The following TDRKH variants were observed in gnomAD, a reference collection of about 807,000 sequenced individuals.
TDRKH encodes the protein tudor and KH domain-containing protein.
Under a neutral mutation model 61.3 loss-of-function variants are expected in TDRKH, and 28 were observed. The observed-to-expected ratio is 0.46, with a 90% CI of 0.34 to 0.63. The LOEUF (loss-of-function observed/expected upper bound fraction) is 0.63, where lower values mean the gene tolerates loss of function less well. TDRKH is among the 20% of genes least tolerant of loss of function. The pLI is 0.01. For missense variants in TDRKH, 540 were observed against 683.4 expected (o/e 0.79, Z 2.34); for synonymous variants, 219 against 244.4 (o/e 0.90, Z 0.97).
chr1:151,789,519 T>C (rs1017964349), intron 1 of TDRKH, among the ~76,000 whole-genome samples: 1 of 152,230 alleles, frequency 6.6e-6, no homozygotes, highest in African/African-American at 2.4e-5. Context: ...ATGAGGATCA[T>C]TGTTCAGTGA....
chr1:151,780,849 CAA>C (rs71789262), intron 3 of TDRKH, among the ~76,000 whole-genome samples: 25 of 86,190 alleles, frequency 2.9e-4, no homozygotes, highest in Admixed American at 3.5e-4. Context: ...GACTCTGTCT[CAA>C]AAAAAAAAAA....
intron 1 of TDRKH, among the ~76,000 whole-genome samples, chr1:151,789,303 C>CA (rs1650666038): frequency 6.6e-6 from 1 of 152,218 alleles, no homozygotes; most frequent in Non-Finnish European, 1.5e-5. Context: ...CTTGATCTGT[C>CA]ACTATGGTTT....
intron 6 of TDRKH, among the ~76,000 whole-genome samples, chr1:151,777,777 G>A (rs1212364475): frequency 6.9e-6 from 1 of 144,420 alleles, no homozygotes; most frequent in Non-Finnish European, 1.5e-5. Context: ...GAGTGCAACG[G>A]TGCAATCCCA....
intron 1 of TDRKH, among the ~76,000 whole-genome samples, chr1:151,784,966 T>C (rs1332803871): frequency 4.6e-5 from 7 of 150,768 alleles, no homozygotes; most frequent in Admixed American, 3.3e-4. Context: ...AAGGTCTTTC[T>C]CTGTTGCCAG....
intron 3 of TDRKH, among the ~76,000 whole-genome samples, 155 bp downstream of exon 3, chr1:151,781,326 A>AT (rs1553282714): frequency 1.3e-4 from 3 of 22,302 alleles, no homozygotes; most frequent in Admixed American, 1.3e-3. Flanking sequence ...TCAAAAAAAA[A>AT]AAATATATAT....
downstream of TDRKH, among the ~76,000 whole-genome samples, chr1:151,767,695 A>G (rs1402852354): frequency 2.0e-5 from 3 of 152,202 alleles, no homozygotes; most frequent in Non-Finnish European, 4.4e-5. Flanking sequence ...AATTTAGAGA[A>G]AACCCATATA....
At chr1:151,767,093 G>C, downstream of TDRKH, 18 of 1,572,216 alleles carry the variant, frequency 1.1e-5, no homozygotes, top group Non-Finnish European at 1.5e-5. Context: ...GATCATGCCA[G>C]AGCCTGGTAC....
intron 6 of TDRKH, among the ~76,000 whole-genome samples, chr1:151,777,318 C>T (rs993581985): frequency 1.3e-5 from 2 of 152,054 alleles, no homozygotes; most frequent in Admixed American, 1.3e-4. Flanking sequence ...TGGTGGTGTG[C>T]ACCTGTGGTC....
At position 151,776,445 on chromosome 1, in the gene TDRKH, A is replaced by G; in HGVS notation, c.1038T>C (p.Asn346=). 6.2e-7 allele frequency: 1 copy of G among 1,614,208 alleles called. No homozygotes were observed. The highest frequency in any genetic ancestry group is 1.1e-5 in the South Asian group (1 of 91,082). The change falls in exon 7 of 13, where the codon AAT becomes AAC. Residue 346 remains asparagine, a synonymous_variant. Transcript: ENST00000368824. ...LVNEMTQHYE[N]SVPEDLTVHV... is the part of the protein sequence containing the mutation. Reference sequence around the variant, plus strand: ...TGTCCCTATGGCAACTCACCACACTATTCTCATAGTGCTGGGTCATCTCAT... The same window carrying G: ...TGTCCCTATGGCAACTCACCACACTGTTCTCATAGTGCTGGGTCATCTCAT...
chr1:151,773,160 A>C (rs959504926), downstream of TDRKH, among the ~76,000 whole-genome samples: 2 of 152,162 alleles, frequency 1.3e-5, no homozygotes, highest in African/African-American at 4.8e-5. Context: ...CTCCTGCCTC[A>C]GCCTCCCACG....
chr1:151,768,000 C>T, downstream of TDRKH: 1 of 1,599,468 alleles, frequency 6.3e-7, no homozygotes, highest in Non-Finnish European at 8.5e-7. Flanking sequence ...ACGGACACAC[C>T]CCCATCTGCC....
intron 3 of TDRKH, among the ~76,000 whole-genome samples, 153 bp downstream of exon 3, chr1:151,781,328 A>AAAATATATATATATATATAT (rs1491536697): frequency 1.7e-4 from 12 of 68,592 alleles, no homozygotes; most frequent in South Asian, 3.7e-4. Context: ...AAAAAAAAAA[A>AAAATATATATATATATATAT]ATATATATAT....
chr1:151,770,281 G>A (rs1252151248), downstream of TDRKH: 3 of 1,606,544 alleles, frequency 1.9e-6, no homozygotes, highest in East Asian at 2.2e-5. Flanking sequence ...GTTCTTCCTT[G>A]CTTTTCGCGC....
chr1:151,788,653 T>G (rs918577131), intron 1 of TDRKH, among the ~76,000 whole-genome samples: 1 of 152,162 alleles, frequency 6.6e-6, no homozygotes, highest in Non-Finnish European at 1.5e-5. Context: ...TGATCTAAGA[T>G]CACACAGCTC....
Position 151,781,328 on chromosome 1 carries a change from A to AAAATATATATATATATAT in TDRKH, c.231+152_231+153insATATATATATATATATTT, listed in dbSNP as rs1491536697. On this transcript the variant is annotated intron_variant, in intron 3 of 12. Coordinates refer to ENST00000368824, the MANE Select transcript of TDRKH (RefSeq NM_001083965.2). The stretch of plus-strand genomic sequence containing the variant: ...GCGAAACTCCATCTCAAAAAAAAAA[A>AAAATATATATATATATAT]ATATATATATATATATTTTATATAT... Among the ~76,000 whole-genome samples the AAAATATATATATATATAT allele has an allele frequency of 2.2e-4, 15 of 68,576 alleles. No individual in the cohort carries two copies. The South Asian group carries it at 2.2e-3, about 10-fold the overall frequency. The allele number at this position is 68,576 out of a possible 152,430, so 45.0% of individuals were successfully genotyped here.
chr1:151,778,937 T>C lies in TDRKH; in HGVS notation c.631A>G (p.Arg211Gly). The change falls in exon 6 of 13, where the codon AGG (arginine) becomes GGG (glycine). Residue 211 changes from arginine to glycine, a missense_variant. This residue lies in a region of TDRKH where 379 missense variants were observed against 443.8 expected (regional missense o/e 0.85). Transcript: ENST00000368824. ...CTGATTGGCTGTTTGCGTGGGACCC[T>C]GGTTTCTGCAGAATGAGCAATTCTC... is the stretch of plus-strand genomic sequence containing the variant. The part of the protein sequence containing the change: ...RKRIAHSAET[R>G]VPRKQPISVR... 2 of 1,614,220 alleles carry C rather than the reference T, an allele frequency of 1.2e-6. No homozygotes were observed. Among genetic ancestry groups the C allele is most frequent in the Middle Eastern group, 1.6e-4 (1 of 6,062 alleles).
At chr1:151,766,905 C>T, downstream of TDRKH, 1 of 1,573,582 alleles carries the variant, frequency 6.4e-7, no homozygotes, top group Non-Finnish European at 8.7e-7. Context: ...GTTTTCATCT[C>T]TATTTGTAGT....
intron 3 of TDRKH, among the ~76,000 whole-genome samples, 153 bp downstream of exon 3, chr1:151,781,328 A>AAATATATATATAT (rs1491536697): frequency 1.5e-5 from 1 of 68,600 alleles, no homozygotes; most frequent in African/African-American, 4.8e-5. Flanking sequence ...AAAAAAAAAA[A>AAATATATATATAT]ATATATATAT....
chr1:151,775,677 C>A (rs1649094024), intron 9 of TDRKH, 134 bp from the exon 10 acceptor site: 1 of 1,488,502 alleles, frequency 6.7e-7, no homozygotes, highest in African/African-American at 1.4e-5. Context: ...AGGCAAGTTT[C>A]TGGCTGCTGC....
Sources: allele counts gnomAD v4.1 joint callset (sites outside exome capture counted in the v4.1 genomes callset), GRCh38; gene constraint gnomAD v4.1.1; regional missense constraint gnomAD v4.1.1; transcripts MANE v1.5; gene names NCBI Gene and HGNC (gene_info 2026-07-23, HGNC 2026-07-21).